HS3ST4: variants seen among roughly 807,000 people sequenced by gnomAD.
The protein encoded by HS3ST4 is heparan sulfate glucosamine 3-O-sulfotransferase 4.
Under a neutral mutation model 29.2 loss-of-function variants are expected in HS3ST4, and 17 were observed. The ratio of observed to expected loss-of-function variants is 0.58; its 90% CI spans 0.40 to 0.87. HS3ST4 has a LOEUF of 0.87. Among genes scored for constraint, HS3ST4 ranks in the 40% least tolerant of loss-of-function variants. HS3ST4 has a pLI of 0.00. For synonymous variants in HS3ST4, 314 were observed against 285.7 expected (o/e 1.10, Z -1.00); for missense variants, 627 against 634.5 (o/e 0.99, Z 0.13).
chr16:25,981,154 T>C (rs1012403792), intron 1 of HS3ST4, among the ~76,000 whole-genome samples: 1 of 151,990 alleles, frequency 6.6e-6, no homozygotes, highest in Admixed American at 6.6e-5. Flanking sequence ...GGTCAGGAGT[T>C]TGAGACCAGC....
intron 1 of HS3ST4, among the ~76,000 whole-genome samples, chr16:26,074,715 C>T (rs563501157): frequency 2.7e-4 from 41 of 152,200 alleles, no homozygotes; most frequent in Admixed American, 7.2e-4. Context: ...CTCTCAGGCT[C>T]GACACACAAT....
intron 1 of HS3ST4, among the ~76,000 whole-genome samples, chr16:25,923,694 T>C (rs2141684030): frequency 6.6e-6 from 1 of 152,326 alleles, no homozygotes; most frequent in East Asian, 1.9e-4. Context: ...CAGGCCATTG[T>C]CCCCTCTCAC....
intron 1 of HS3ST4, among the ~76,000 whole-genome samples, chr16:26,049,470 C>G (rs1198790990): frequency 6.9e-6 from 1 of 144,982 alleles, no homozygotes; most frequent in African/African-American, 2.6e-5. Flanking sequence ...ATGCGTGCCT[C>G]TGTGTGTGTG....
chr16:26,010,488 T>A (rs914172340), intron 1 of HS3ST4, among the ~76,000 whole-genome samples: 1 of 137,938 alleles, frequency 7.2e-6, no homozygotes, highest in South Asian at 2.1e-4. Context: ...AAAAAAAAAA[T>A]GAAAATGTAA....
At chr16:25,983,825 G>A (rs1402734028) in intron 1 of HS3ST4, among the ~76,000 whole-genome samples, 3 of 152,282 alleles carry the variant, frequency 2.0e-5, no homozygotes, top group African/African-American at 7.2e-5. Flanking sequence ...GTAATTTCAG[G>A]GTTGGTGGTT....
At chr16:26,035,198 T>C (rs1969571587) in intron 1 of HS3ST4, among the ~76,000 whole-genome samples, 1 of 152,224 alleles carries the variant, frequency 6.6e-6, no homozygotes, top group Non-Finnish European at 1.5e-5. Context: ...AATGTTGTAA[T>C]TGTGAAGTGG....
intron 1 of HS3ST4, among the ~76,000 whole-genome samples, chr16:25,850,314 G>A (rs115296008): frequency 0.024 from 3,577 of 152,166 alleles, 130 homozygotes; most frequent in African/African-American, 0.081. Flanking sequence ...CTCACTTGTA[G>A]CATCAAATGT....
intron 1 of HS3ST4, among the ~76,000 whole-genome samples, chr16:25,885,049 A>G (rs931228887): frequency 1.3e-5 from 2 of 152,136 alleles, no homozygotes; most frequent in African/African-American, 4.8e-5. Context: ...GACGAGCATA[A>G]CCATTTCAGA....
At chr16:26,074,078 C>T (rs1173322227) in intron 1 of HS3ST4, among the ~76,000 whole-genome samples, 3 of 152,146 alleles carry the variant, frequency 2.0e-5, no homozygotes, top group Non-Finnish European at 2.9e-5. Context: ...CTCAGCCTTC[C>T]GGTTTCCGAA....
intron 1 of HS3ST4, among the ~76,000 whole-genome samples, chr16:25,725,964 T>A (rs1966532205): frequency 6.6e-6 from 1 of 152,186 alleles, no homozygotes; most frequent in African/African-American, 2.4e-5. Context: ...CAGAAATGCA[T>A]TTTATATAAT....
At chr16:25,815,722 C>T (rs1012467073) in intron 1 of HS3ST4, among the ~76,000 whole-genome samples, 11 of 152,224 alleles carry the variant, frequency 7.2e-5, no homozygotes, top group African/African-American at 2.7e-4. Flanking sequence ...ACTGAAACTT[C>T]AGCTTCATTA....
At chr16:25,736,082 C>T (rs1003763699) in intron 1 of HS3ST4, among the ~76,000 whole-genome samples, 3 of 152,214 alleles carry the variant, frequency 2.0e-5, no homozygotes, top group African/African-American at 7.2e-5. Flanking sequence ...TCTGTCAGTG[C>T]ATCTGTCCTA....
At chr16:25,875,548 A>T (rs749326869) in intron 1 of HS3ST4, among the ~76,000 whole-genome samples, 2 of 152,140 alleles carry the variant, frequency 1.3e-5, no homozygotes, top group Non-Finnish European at 2.9e-5. Flanking sequence ...TGAAATGAGT[A>T]GAATCAATTT....
At chr16:25,828,330 CTCTCTCTCTT>C (rs1567249587) in intron 1 of HS3ST4, among the ~76,000 whole-genome samples, 11 of 134,296 alleles carry the variant, frequency 8.2e-5, no homozygotes, top group South Asian at 2.5e-4. Context: ...CTCTCTCTCT[CTCTCTCTCTT>C]TCTCCCTTTC....
intron 1 of HS3ST4, among the ~76,000 whole-genome samples, chr16:25,999,753 GT>G: frequency 7.5e-6 from 1 of 132,492 alleles, no homozygotes; most frequent in South Asian, 2.3e-4. Flanking sequence ...AATTATATAT[GT>G]ATATTTTATA....
chr16:25,854,478 T>G (rs12928843), intron 1 of HS3ST4, among the ~76,000 whole-genome samples: 1 of 14,538 alleles, frequency 6.9e-5, no homozygotes, highest in Non-Finnish European at 1.1e-4. Flanking sequence ...TGTATTGCCA[T>G]CTGTTTTATC....
chr16:25,965,790 C>G (rs1295047557), intron 1 of HS3ST4, among the ~76,000 whole-genome samples: 2 of 152,146 alleles, frequency 1.3e-5, no homozygotes, highest in African/African-American at 4.8e-5. Flanking sequence ...TTGATTGCAA[C>G]ATTATGTCTT....
At chr16:26,088,908 A>T (rs1898820647) in intron 1 of HS3ST4, among the ~76,000 whole-genome samples, 1 of 152,198 alleles carries the variant, frequency 6.6e-6, no homozygotes, top group South Asian at 2.1e-4. Context: ...GGTCATGTAG[A>T]CTATATTTTA....
Position 25,699,139 on chromosome 16 carries a change from G to C in HS3ST4, c.734+5988G>C, listed in dbSNP as rs545876612. 2.6e-5 allele frequency among the ~76,000 whole-genome samples: 4 copies of C among 152,342 alleles called. No homozygotes were observed. In the South Asian group the frequency reaches 8.3e-4, roughly 32 times the overall value. On this transcript the variant is annotated intron_variant, in intron 1 of 1. Transcript: ENST00000331351. ...TCTGTGGGCTGGATACAGCCAGCTG[G>C]CTACCAGTTTGTGACCTCTGGTTTA... is the stretch of plus-strand genomic sequence containing the variant.
Sources: gnomAD v4.1 joint callset for allele counts (sites outside exome capture counted in the v4.1 genomes callset) on GRCh38, gnomAD v4.1.1 for gene constraint, MANE v1.5 for transcripts, NCBI Gene and HGNC (gene_info 2026-07-23, HGNC 2026-07-21) for gene names.